TMEM132D: variants seen among roughly 807,000 people sequenced by gnomAD.
The protein encoded by TMEM132D is mature OL transmembrane protein.
A neutral mutation model predicts 62.3 loss-of-function variants in TMEM132D; 21 were observed. The ratio of observed to expected loss-of-function variants is 0.34; its 90% CI spans 0.24 to 0.49. The LOEUF (loss-of-function observed/expected upper bound fraction) is 0.49. Among genes scored for constraint, TMEM132D ranks in the 20% least tolerant of loss-of-function variants. TMEM132D has a pLI of 0.99. For missense variants in TMEM132D, 1,346 were observed against 1,402.8 expected, an observed-to-expected ratio of 0.96 and a Z score of 0.65; for synonymous variants, 621 against 575.6, an observed-to-expected ratio of 1.08 and a Z score of -1.13.
intron 4 of TMEM132D, among the ~76,000 whole-genome samples, chr12:129,320,006 A>G (rs1258957621): frequency 2.0e-5 from 3 of 152,240 alleles, no homozygotes; most frequent in Non-Finnish European, 4.4e-5. Context: ...CTCACTGTAC[A>G]AGAACAATCA....
At chr12:129,549,999 C>A (rs1397639653) in intron 2 of TMEM132D, among the ~76,000 whole-genome samples, 1 of 152,154 alleles carries the variant, frequency 6.6e-6, no homozygotes, top group Non-Finnish European at 1.5e-5. Flanking sequence ...CTTAGGAAAA[C>A]CTTCTCTGGC....
At chr12:129,765,817 C>T (rs1870532603) in intron 1 of TMEM132D, among the ~76,000 whole-genome samples, 1 of 152,110 alleles carries the variant, frequency 6.6e-6, no homozygotes, top group South Asian at 2.1e-4. Context: ...TTTTGATATC[C>T]ACAGGAGAGT....
chr12:129,420,248 T>C lies in TMEM132D; in HGVS notation c.1116-82431A>G, dbSNP rs906511706. On this transcript the variant is annotated intron_variant, in intron 3 of 8. Coordinates refer to ENST00000422113, the MANE Select transcript of TMEM132D (RefSeq NM_133448.3). ...CCAAGACACTGTACCGTGTTTCATA[T>C]TCTCTAAGTATCCCAAACAACATTA... Among the ~76,000 whole-genome samples, 6 of 151,380 alleles carry C rather than the reference T, an allele frequency of 4.0e-5. No homozygotes were observed. In the East Asian group the frequency reaches 9.8e-4, roughly 25 times the overall value.
chr12:129,086,909 T>C (rs1874638719), intron 5 of TMEM132D, among the ~76,000 whole-genome samples: 1 of 152,148 alleles, frequency 6.6e-6, no homozygotes, highest in African/African-American at 2.4e-5. Context: ...AGAATTTTAG[T>C]TCTTTGAGAA....
intron 5 of TMEM132D, among the ~76,000 whole-genome samples, chr12:129,095,812 G>T (rs1215507907): frequency 1.3e-5 from 2 of 152,164 alleles, no homozygotes; most frequent in East Asian, 3.9e-4. Context: ...CTGACTTCCA[G>T]CATCTGCAAC....
chr12:129,617,044 A>C (rs12821109), intron 2 of TMEM132D, among the ~76,000 whole-genome samples: 1 of 151,968 alleles, frequency 6.6e-6, no homozygotes, highest in African/African-American at 2.4e-5. Flanking sequence ...AGCAGGGCTG[A>C]AGGCCAGGCA....
chr12:129,547,718 C>T (rs1337204753), intron 2 of TMEM132D, among the ~76,000 whole-genome samples: 2 of 152,326 alleles, frequency 1.3e-5, no homozygotes, highest in East Asian at 1.9e-4. Flanking sequence ...TGAAAGAGCA[C>T]TTCTCATAGT....
At chr12:129,762,543 T>C (rs992983152) in intron 1 of TMEM132D, among the ~76,000 whole-genome samples, 3 of 152,074 alleles carry the variant, frequency 2.0e-5, no homozygotes, top group African/African-American at 7.2e-5. Flanking sequence ...GGTAGACTCA[T>C]TTTAAGGGCA....
chr12:129,307,015 A>G (rs542335223), intron 4 of TMEM132D, among the ~76,000 whole-genome samples: 22 of 152,156 alleles, frequency 1.4e-4, no homozygotes, highest in African/African-American at 5.1e-4. Flanking sequence ...AACTGCCTCA[A>G]ATATTTTAAG....
At chr12:129,187,459 T>C (rs1330348200) in intron 5 of TMEM132D, among the ~76,000 whole-genome samples, 1 of 152,136 alleles carries the variant, frequency 6.6e-6, no homozygotes, top group African/African-American at 2.4e-5. Flanking sequence ...AGGGATGTGG[T>C]AGTGGAAGAG....
chr12:129,669,989 T>G (rs1880466650), intron 2 of TMEM132D, among the ~76,000 whole-genome samples: 1 of 152,106 alleles, frequency 6.6e-6, no homozygotes, highest in Non-Finnish European at 1.5e-5. Context: ...TCCCACTATG[T>G]CCCCTGTCGA....
At chr12:129,396,183 T>G (rs924598787) in intron 3 of TMEM132D, among the ~76,000 whole-genome samples, 1 of 151,972 alleles carries the variant, frequency 6.6e-6, no homozygotes, top group South Asian at 2.1e-4. Flanking sequence ...TTATGTAAAA[T>G]TAGCATAAAC....
chr12:129,651,705 A>C (rs1366969306), intron 2 of TMEM132D, among the ~76,000 whole-genome samples: 1 of 152,218 alleles, frequency 6.6e-6, no homozygotes, highest in Non-Finnish European at 1.5e-5. Flanking sequence ...CAAGGACAGC[A>C]GCAACTGGAA....
intron 1 of TMEM132D, among the ~76,000 whole-genome samples, chr12:129,742,165 A>G (rs1727878489): frequency 6.6e-6 from 1 of 152,210 alleles, no homozygotes; most frequent in Non-Finnish European, 1.5e-5. Flanking sequence ...CAGTTCTAAC[A>G]TTAGCCATCT....
intron 3 of TMEM132D, among the ~76,000 whole-genome samples, chr12:129,413,962 T>C (rs1264703638): frequency 6.6e-6 from 1 of 152,238 alleles, no homozygotes. Context: ...TATTTGACCC[T>C]ACTTCCAGCC....
chr12:129,802,060 G>A (rs1022065578), intron 1 of TMEM132D, among the ~76,000 whole-genome samples: 18 of 148,936 alleles, frequency 1.2e-4, no homozygotes, highest in African/African-American at 4.2e-4. Context: ...ATCTACGTCT[G>A]ATTGGTGTAC....
chr12:129,093,794 G>C (rs1330882065), intron 5 of TMEM132D, among the ~76,000 whole-genome samples: 4 of 152,170 alleles, frequency 2.6e-5, no homozygotes, highest in African/African-American at 9.6e-5. Flanking sequence ...ATACTACAAG[G>C]CTACAGTAAC....
chr12:129,817,979 G>A (rs1872410652), intron 1 of TMEM132D, among the ~76,000 whole-genome samples: 1 of 139,232 alleles, frequency 7.2e-6, no homozygotes, highest in South Asian at 2.4e-4. Flanking sequence ...ATATGTGTGT[G>A]TGGTGTGTGT....
At chr12:129,456,737 C>G (rs1049050197) in intron 3 of TMEM132D, among the ~76,000 whole-genome samples, 1 of 152,172 alleles carries the variant, frequency 6.6e-6, no homozygotes, top group Admixed American at 6.5e-5. Flanking sequence ...CAATGGTCAT[C>G]CCAGTCCACT....
Sources: allele counts gnomAD v4.1 joint callset (sites outside exome capture counted in the v4.1 genomes callset), GRCh38; gene constraint gnomAD v4.1.1; transcripts MANE v1.5; gene names NCBI Gene and HGNC (gene_info 2026-07-23, HGNC 2026-07-21).